Variants in EEFSEC observed in about 807,000 individuals in gnomAD.
EEFSEC encodes the protein eukaryotic elongation factor, selenocysteine-tRNA specific, also known as selenocysteine-specific elongation factor.
In EEFSEC, 43 loss-of-function variants were observed where a neutral mutation model predicts 42.1. The observed-to-expected ratio is 1.02, with a 90% CI of 0.80 to 1.32. The LOEUF is 1.32. EEFSEC is among the 40% of genes most tolerant of loss of function. The pLI is 0.00. For missense variants in EEFSEC, 745 were observed against 803.6 expected (o/e 0.93, Z 0.88); for synonymous variants, 354 against 339.1 (o/e 1.04, Z -0.48).
chr3:128,380,714 A>G (rs957547848), intron 6 of EEFSEC, among the ~76,000 whole-genome samples: 2 of 152,208 alleles, frequency 1.3e-5, no homozygotes, highest in Non-Finnish European at 2.9e-5. Flanking sequence ...TGACTGCTAT[A>G]TGTTATCCCA....
chr3:128,293,219 G>A (rs1049442412), intron 4 of EEFSEC, among the ~76,000 whole-genome samples: 18 of 152,330 alleles, frequency 1.2e-4, no homozygotes, highest in East Asian at 7.7e-4. Flanking sequence ...CAAAAATACA[G>A]ACCTATATGA....
intron 4 of EEFSEC, among the ~76,000 whole-genome samples, chr3:128,324,397 C>T (rs2067041500): frequency 6.6e-6 from 1 of 152,152 alleles, no homozygotes; most frequent in Non-Finnish European, 1.5e-5. Flanking sequence ...GAAAGAGAAA[C>T]ACATCATGCT....
chr3:128,347,718 A>G (rs1473997701), intron 5 of EEFSEC, among the ~76,000 whole-genome samples: 1 of 152,226 alleles, frequency 6.6e-6, no homozygotes, highest in African/African-American at 2.4e-5. Flanking sequence ...TGACAAAGGT[A>G]AAGAAGGACA....
intron 1 of EEFSEC, among the ~76,000 whole-genome samples, chr3:128,213,464 C>T (rs2065779812): frequency 6.6e-6 from 1 of 152,126 alleles, no homozygotes; most frequent in African/African-American, 2.4e-5. Flanking sequence ...GATACCTGGC[C>T]CAGTGCCATT....
At chr3:128,285,184 G>C (rs2066570181) in intron 4 of EEFSEC, among the ~76,000 whole-genome samples, 1 of 152,102 alleles carries the variant, frequency 6.6e-6, no homozygotes, top group African/African-American at 2.4e-5. Context: ...TGAAGAGGTG[G>C]GGTCATGGGT....
At chr3:128,330,602 G>A (rs1023340509) in intron 4 of EEFSEC, among the ~76,000 whole-genome samples, 1 of 152,082 alleles carries the variant, frequency 6.6e-6, no homozygotes, top group Non-Finnish European at 1.5e-5. Flanking sequence ...CCACAGGGGT[G>A]AGGAGAGCTG....
chr3:128,156,727 G>C (rs1390667043), intron 1 of EEFSEC, among the ~76,000 whole-genome samples: 2 of 152,212 alleles, frequency 1.3e-5, no homozygotes, highest in Admixed American at 1.3e-4. Flanking sequence ...CAATGCTTAT[G>C]TAAGGCAGCA....
chr3:128,368,020 G>C (rs2067610684), intron 6 of EEFSEC, among the ~76,000 whole-genome samples: 1 of 152,252 alleles, frequency 6.6e-6, no homozygotes, highest in East Asian at 1.9e-4. Context: ...GGCTGGGCCA[G>C]GATGGTGCTG....
intron 1 of EEFSEC, among the ~76,000 whole-genome samples, chr3:128,157,886 A>G (rs758145347): frequency 6.6e-6 from 1 of 152,232 alleles, no homozygotes; most frequent in Non-Finnish European, 1.5e-5. Flanking sequence ...AATATATTTC[A>G]TAAGGCCATA....
intron 2 of EEFSEC, among the ~76,000 whole-genome samples, chr3:128,252,942 C>T (rs1325081246): frequency 6.6e-6 from 1 of 152,048 alleles, no homozygotes; most frequent in Non-Finnish European, 1.5e-5. Flanking sequence ...CTGGCTGGAG[C>T]CCCTTGTACT....
At chr3:128,378,058 A>G (rs541043780) in intron 6 of EEFSEC, among the ~76,000 whole-genome samples, 93 of 152,360 alleles carry the variant, frequency 6.1e-4, no homozygotes, top group African/African-American at 2.1e-3. Context: ...TGGCATCTTT[A>G]TGACTGTCTG....
At chr3:128,318,622 C>T (rs113088750) in intron 4 of EEFSEC, among the ~76,000 whole-genome samples, 31 of 152,344 alleles carry the variant, frequency 2.0e-4, no homozygotes, top group African/African-American at 6.5e-4. Context: ...AGCGAGACTG[C>T]GGACTGCTGT....
chr3:128,250,601 T>A (rs1240684163), intron 2 of EEFSEC, among the ~76,000 whole-genome samples: 1 of 152,194 alleles, frequency 6.6e-6, no homozygotes, highest in Non-Finnish European at 1.5e-5. Flanking sequence ...GGTCTATATG[T>A]CTGTCCTTAG....
chr3:128,198,847 T>A (rs1313348182), intron 1 of EEFSEC, among the ~76,000 whole-genome samples: 2 of 152,148 alleles, frequency 1.3e-5, no homozygotes, highest in East Asian at 3.8e-4. Context: ...TTTTTCTTTT[T>A]TTGAGGTGGA....
intron 4 of EEFSEC, among the ~76,000 whole-genome samples, chr3:128,327,280 C>T (rs1300614136): frequency 1.3e-5 from 2 of 148,990 alleles, no homozygotes; most frequent in African/African-American, 5.1e-5. Flanking sequence ...CACCTCCCTG[C>T]ACTTTTCCCA....
intron 2 of EEFSEC, among the ~76,000 whole-genome samples, chr3:128,249,101 C>T (rs1195004541): frequency 6.6e-6 from 1 of 152,192 alleles, no homozygotes; most frequent in Non-Finnish European, 1.5e-5. Flanking sequence ...CTTATGTTCC[C>T]TTGTTAAGTA....
rs573220679 is a variant in EEFSEC, at chr3:128,232,948, G to A, written c.317-13888G>A. Among the ~76,000 whole-genome samples the A allele has an allele frequency of 5.9e-5, 9 of 152,338 alleles. No homozygotes were observed. In the South Asian group the frequency reaches 8.3e-4, roughly 14 times the overall value. On this transcript the variant is annotated intron_variant, in intron 1 of 6. Transcript: ENST00000254730. ...ACCTCCACTCTTCGTGTGTCTTCCT[G>A]TATGAGGCTGACTCTGCCTCTTGTC...
At chr3:128,168,715 C>T (rs1306172502) in intron 1 of EEFSEC, among the ~76,000 whole-genome samples, 2 of 152,242 alleles carry the variant, frequency 1.3e-5, no homozygotes, top group Non-Finnish European at 2.9e-5. Context: ...CATGGGTGTG[C>T]AGTGTTTGAA....
intron 1 of EEFSEC, among the ~76,000 whole-genome samples, chr3:128,222,079 G>T (rs1320925464): frequency 3.6e-5 from 5 of 138,908 alleles, no homozygotes; most frequent in African/African-American, 5.4e-5. Flanking sequence ...TGTCACCCAG[G>T]CTGGAGTGCA....
Sources: gnomAD v4.1 joint callset for allele counts (sites outside exome capture counted in the v4.1 genomes callset) on GRCh38, gnomAD v4.1.1 for gene constraint, MANE v1.5 for transcripts, NCBI Gene and HGNC (gene_info 2026-07-23, HGNC 2026-07-21) for gene names.